Variants in PDZD2 observed in about 807,000 individuals in gnomAD.
PDZD2 encodes the protein PDZ domain-containing protein 2.
In PDZD2, 90 loss-of-function variants were observed where a neutral mutation model predicts 220.7. The ratio of observed to expected loss-of-function variants is 0.41; its 90% CI spans 0.34 to 0.49. The LOEUF is 0.49. Among genes scored for constraint, PDZD2 ranks in the 20% least tolerant of loss-of-function variants. The probability of loss-of-function intolerance (pLI) is 0.28; values close to 1 mark genes in which losing one functional copy is unlikely to be tolerated. For missense variants in PDZD2, 3,174 were observed against 3,608.5 expected, an observed-to-expected ratio of 0.88 and a Z score of 3.08; for synonymous variants, 1,375 against 1,450.5, an observed-to-expected ratio of 0.95 and a Z score of 1.18.
At position 31,648,879 on chromosome 5, in the gene PDZD2, A is replaced by G. The variant is rs112455922; in HGVS notation, c.-361+9442A>G. Among the ~76,000 whole-genome samples, 1,457 of 151,846 alleles carry G rather than the reference A, an allele frequency of 9.6e-3. 10 individuals are homozygous for G. Among genetic ancestry groups the G allele is most frequent in the Middle Eastern group, 0.054 (16 of 294 alleles). On this transcript the variant is annotated intron_variant, in intron 1 of 24. Transcript: ENST00000438447. ...AGTCCATAGTTTACCTTAGGGGTTC[A>G]CTCTTACATTCTATGGGTTTGGATA...
intron 2 of PDZD2, among the ~76,000 whole-genome samples, chr5:31,848,584 A>G (rs1272885304): frequency 6.7e-6 from 1 of 149,710 alleles, no homozygotes; most frequent in African/African-American, 2.5e-5. Context: ...CCCCGTCTCT[A>G]CTAAAAATAC....
chr5:31,893,878 CATTTATTT>C (rs66512107), intron 2 of PDZD2, among the ~76,000 whole-genome samples: 39 of 148,314 alleles, frequency 2.6e-4, no homozygotes, highest in East Asian at 1.4e-3. Context: ...ATAATCAGCA[CATTTATTT>C]ATTTATTTAT....
In PDZD2 at chr5:32,074,272, G is replaced by A; in HGVS notation, c.3166G>A (p.Ala1056Thr). Residue 1056 changes from alanine to threonine, a missense_variant, in exon 18 of 25, where the codon GCA becomes ACA. This residue lies in a region of PDZD2 where 1,861 missense variants were observed against 2,001.0 expected (regional missense o/e 0.93). Coordinates refer to ENST00000438447, the MANE Select transcript of PDZD2 (RefSeq NM_178140.4). ...PEGMVDAASY[A>T]ANLTDSAEAP... ...GGGCATGGTGGATGCTGCGTCCTAT[G>A]CAGCCAACCTCACGGACTCTGCAGA... 6.2e-7 allele frequency: 1 copy of A among 1,614,182 alleles called. No homozygotes were observed.
intron 3 of PDZD2, among the ~76,000 whole-genome samples, chr5:31,987,350 C>T (rs910180825): frequency 6.6e-6 from 1 of 152,182 alleles, no homozygotes; most frequent in Non-Finnish European, 1.5e-5. Context: ...TTTTCCTATG[C>T]CTCCTCTGTA....
At chr5:31,752,073 G>GTTTTGTTTTTTTTTTTTTTTT (rs1751018299) in intron 1 of PDZD2, among the ~76,000 whole-genome samples, 3 of 95,064 alleles carry the variant, frequency 3.2e-5, no homozygotes, top group African/African-American at 1.3e-4. Context: ...TTTTGGGTTT[G>GTTTTGTTTTTTTTTTTTTTTT]TTTTTTTTTT....
At chr5:31,844,266 A>G (rs1026717221) in intron 2 of PDZD2, among the ~76,000 whole-genome samples, 1 of 152,212 alleles carries the variant, frequency 6.6e-6, no homozygotes, top group Non-Finnish European at 1.5e-5. Context: ...TGCAAAAAGA[A>G]TGATCATGAG....
chr5:31,867,895 G>A (rs1306719428), intron 2 of PDZD2, among the ~76,000 whole-genome samples: 2 of 151,826 alleles, frequency 1.3e-5, no homozygotes, highest in Admixed American at 6.6e-5. Flanking sequence ...GGGGTGGGGC[G>A]GGGAGGGGCG....
chr5:32,023,552 A>T (rs1005935288), intron 6 of PDZD2, among the ~76,000 whole-genome samples: 2 of 152,256 alleles, frequency 1.3e-5, no homozygotes, highest in African/African-American at 2.4e-5. Flanking sequence ...GTTTATCTGT[A>T]TCATTTAAAA....
chr5:31,807,098 C>G (rs879490016), intron 2 of PDZD2, among the ~76,000 whole-genome samples: 11 of 152,118 alleles, frequency 7.2e-5, no homozygotes, highest in Admixed American at 5.9e-4. Flanking sequence ...TTATGCCTGG[C>G]TAATTTTTTG....
At chr5:31,892,674 C>A (rs1241798177) in intron 2 of PDZD2, among the ~76,000 whole-genome samples, 3 of 151,376 alleles carry the variant, frequency 2.0e-5, no homozygotes, top group Admixed American at 2.0e-4. Context: ...CTCAAGTGAT[C>A]CTCCCACCTC....
chr5:31,815,245 C>CAAAAA (rs59040987), intron 2 of PDZD2, among the ~76,000 whole-genome samples: 480 of 57,360 alleles, frequency 8.4e-3, no homozygotes, highest in Middle Eastern at 0.016. Context: ...AACTCTGTCT[C>CAAAAA]AAAAAAAAAA....
chr5:32,014,363 CCT>C (rs2112101747), intron 6 of PDZD2, among the ~76,000 whole-genome samples: 1 of 152,272 alleles, frequency 6.6e-6, no homozygotes, highest in South Asian at 2.1e-4. Flanking sequence ...ATGAGATTTT[CCT>C]CTCAGAAAGC....
chr5:31,885,980 G>A (rs951883789), intron 2 of PDZD2, among the ~76,000 whole-genome samples: 3 of 151,694 alleles, frequency 2.0e-5, no homozygotes, highest in Non-Finnish European at 4.4e-5. Flanking sequence ...GCTCACTGCA[G>A]CCTCTGCCTC....
chr5:31,983,490 A>G lies in PDZD2; in HGVS notation c.812A>G (p.Asp271Gly). The G allele has an allele frequency of 6.2e-7, 1 of 1,614,186 alleles. No individual in the cohort carries two copies. The highest frequency in any genetic ancestry group is 8.5e-7 in the Non-Finnish European group (1 of 1,180,018). The change falls in exon 3 of 25, where the codon GAT (aspartate) becomes GGT (glycine). Residue 271 changes from aspartate to glycine, a missense_variant. By Grantham distance (94) the Asp-to-Gly change is moderately conservative (BLOSUM62 -1). Transcript: ENST00000438447. ...GTCTTTCAGCTAGAAAATGGCCCAG[A>G]TTCTCTCAAGGAGGTGGCTGGACCC... ...GHVFQLENGPDSLKEVAGPHL... is the reference protein window; with the variant it reads ...GHVFQLENGPGSLKEVAGPHL...
At chr5:31,965,791 C>T (rs1445528779) in intron 2 of PDZD2, among the ~76,000 whole-genome samples, 1 of 152,052 alleles carries the variant, frequency 6.6e-6, no homozygotes, top group African/African-American at 2.4e-5. Flanking sequence ...ACCAGCTACT[C>T]GGGAGACTGA....
intron 1 of PDZD2, among the ~76,000 whole-genome samples, chr5:31,768,101 A>C (rs1270384892): frequency 6.6e-6 from 1 of 152,216 alleles, no homozygotes; most frequent in Non-Finnish European, 1.5e-5. Flanking sequence ...AACTACACAG[A>C]ACTGGGACCT....
chr5:32,025,591 C>CTTTTTTTTTTTTTTTTTTTTT lies in PDZD2; in HGVS notation c.1408-11632_1408-11612dup, dbSNP rs70957998. ...AGTGAGCCCAAATGTAACCATGATG[C>CTTTTTTTTTTTTTTTTTTTTT]TTTTTTTTTTTTTTTTTTTTTTTTT... is the stretch of plus-strand genomic sequence containing the variant. On this transcript the variant is annotated intron_variant, in intron 6 of 24. Transcript: ENST00000438447. Among the ~76,000 whole-genome samples, 42 of 67,522 alleles carry CTTTTTTTTTTTTTTTTTTTTT rather than the reference C, an allele frequency of 6.2e-4. 4 individuals are homozygous for CTTTTTTTTTTTTTTTTTTTTT. The highest frequency in any genetic ancestry group is 7.9e-4 in the African/African-American group (12 of 15,244). The allele number at this position is 67,522 out of a possible 152,430, so 44.3% of individuals were successfully genotyped here.
chr5:31,788,325 C>T (rs982078501), intron 1 of PDZD2, among the ~76,000 whole-genome samples: 27 of 151,964 alleles, frequency 1.8e-4, no homozygotes, highest in African/African-American at 6.0e-4. Context: ...GAGCTGATAT[C>T]GTGCCATTGT....
At chr5:31,940,586 C>T (rs1163793424) in intron 2 of PDZD2, among the ~76,000 whole-genome samples, 1 of 152,184 alleles carries the variant, frequency 6.6e-6, no homozygotes, top group Non-Finnish European at 1.5e-5. Flanking sequence ...AAGGATCACC[C>T]TATAGTCTGT....
Sources: allele counts gnomAD v4.1 joint callset (sites outside exome capture counted in the v4.1 genomes callset), GRCh38; gene constraint gnomAD v4.1.1; regional missense constraint gnomAD v4.1.1; transcripts MANE v1.5; gene names NCBI Gene and HGNC (gene_info 2026-07-23, HGNC 2026-07-21).